The following FOXP2 variants were observed in gnomAD, a reference collection of about 807,000 sequenced individuals.
The protein encoded by FOXP2 is forkhead box P2, also known as forkhead box protein P2.
In FOXP2, 12 loss-of-function variants were observed where a neutral mutation model predicts 115.8. That is an observed-to-expected ratio of 0.10 (90% CI 0.07 to 0.17). FOXP2 has a LOEUF of 0.17. Among genes scored for constraint, FOXP2 ranks in the 10% least tolerant of loss-of-function variants. The probability of loss-of-function intolerance (pLI) is 1.00; values close to 1 mark genes in which losing one functional copy is unlikely to be tolerated. For synonymous variants in FOXP2, 328 were observed against 297.7 expected, an observed-to-expected ratio of 1.10 and a Z score of -1.05; for missense variants, 629 against 843.5, an observed-to-expected ratio of 0.75 and a Z score of 3.15.
intron 3 of FOXP2, among the ~76,000 whole-genome samples, chr7:114,544,668 A>T (rs1453158647): frequency 6.6e-6 from 1 of 152,252 alleles, no homozygotes; most frequent in Non-Finnish European, 1.5e-5. Context: ...CTGTTGTCTC[A>T]CAGAAAGACT....
intron 8 of FOXP2, chr7:114,645,323 T>A (rs1029278896): frequency 4.6e-5 from 7 of 151,422 alleles, no homozygotes; most frequent in Non-Finnish European, 1.0e-4. Flanking sequence ...CTACATTTCA[T>A]TTACATTGTT....
chr7:114,339,854 T>A (rs772839777), intron 2 of FOXP2, among the ~76,000 whole-genome samples: 54 of 151,188 alleles, frequency 3.6e-4, no homozygotes, highest in Non-Finnish European at 7.7e-4. Context: ...AAAGCTCATT[T>A]ATACAAAGGT....
At chr7:114,294,407 G>C (rs955516012) in intron 2 of FOXP2, among the ~76,000 whole-genome samples, 4 of 152,032 alleles carry the variant, frequency 2.6e-5, no homozygotes, top group African/African-American at 9.7e-5. Flanking sequence ...AGAGTCACAC[G>C]GAAGTATCTA....
chr7:114,448,982 A>G (rs866005805), intron 2 of FOXP2, among the ~76,000 whole-genome samples: 2 of 152,080 alleles, frequency 1.3e-5, no homozygotes, highest in African/African-American at 2.4e-5. Context: ...TTTAGCCATT[A>G]TCTGCAAGCA....
intron 3 of FOXP2, among the ~76,000 whole-genome samples, chr7:114,540,356 G>A (rs757387721): frequency 7.9e-5 from 12 of 151,832 alleles, no homozygotes; most frequent in Non-Finnish European, 1.6e-4. Flanking sequence ...CTAGTGCCTA[G>A]CACAGTGCTT....
chr7:114,550,979 A>C (rs778065329), intron 3 of FOXP2, among the ~76,000 whole-genome samples: 3 of 145,970 alleles, frequency 2.1e-5, no homozygotes, highest in Non-Finnish European at 4.5e-5. Flanking sequence ...GTGGCTAATA[A>C]ATCTTTTTTT....
chr7:114,689,586 C>G (rs1240416754), intron 16 of FOXP2, among the ~76,000 whole-genome samples, 196 bp from the exon 17 acceptor site: 1 of 152,176 alleles, frequency 6.6e-6, no homozygotes, highest in Non-Finnish European at 1.5e-5. Flanking sequence ...TCACATTACT[C>G]TGAATCCCTG....
intron 2 of FOXP2, among the ~76,000 whole-genome samples, chr7:114,352,182 A>G (rs139744626): frequency 0.013 from 1,979 of 152,124 alleles, 82 homozygotes; most frequent in Admixed American, 0.078. Flanking sequence ...TGGGTGGATC[A>G]CCTGAGCCTG....
intron 2 of FOXP2, among the ~76,000 whole-genome samples, chr7:114,332,951 T>C (rs1306342872): frequency 6.6e-6 from 1 of 152,124 alleles, no homozygotes; most frequent in Non-Finnish European, 1.5e-5. Flanking sequence ...AAGATCAGGA[T>C]CAGTGCAGGT....
chr7:114,630,145 T>A, intron 5 of FOXP2, 140 bp downstream of exon 5: 1 of 1,440,440 alleles, frequency 6.9e-7, no homozygotes, highest in Non-Finnish European at 9.6e-7. Flanking sequence ...CTGAGCTTAG[T>A]AACAGTGATA....
intron 1 of FOXP2, among the ~76,000 whole-genome samples, chr7:114,180,614 G>T (rs1562994496): frequency 6.6e-6 from 1 of 151,902 alleles, no homozygotes. Context: ...ATCAAACTAT[G>T]CTTCTCTTAT....
chr7:114,100,778 T>A (rs1193106891), intron 1 of FOXP2, among the ~76,000 whole-genome samples: 1 of 152,208 alleles, frequency 6.6e-6, no homozygotes, highest in Non-Finnish European at 1.5e-5. Context: ...GATATGTATT[T>A]GAAATTTTAA....
intron 2 of FOXP2, among the ~76,000 whole-genome samples, chr7:114,447,794 T>C (rs1230121789): frequency 6.6e-6 from 1 of 152,216 alleles, no homozygotes; most frequent in Admixed American, 6.5e-5. Context: ...AACATGCAAT[T>C]ATTTGTTTCA....
chr7:114,640,296 A>C (rs561549535), intron 6 of FOXP2, among the ~76,000 whole-genome samples: 1 of 152,294 alleles, frequency 6.6e-6, no homozygotes, highest in African/African-American at 2.4e-5. Context: ...TTCTTTATAA[A>C]GCCACTTTCT....
chr7:114,164,643 A>C (rs930308288), intron 1 of FOXP2, among the ~76,000 whole-genome samples: 3 of 152,164 alleles, frequency 2.0e-5, no homozygotes, highest in Admixed American at 1.3e-4. Flanking sequence ...CCCGGCCCAA[A>C]ACATTTTTTA....
At chr7:114,641,590 T>C (rs61058474) in intron 6 of FOXP2, among the ~76,000 whole-genome samples, 17,419 of 152,010 alleles carry the variant, frequency 0.11, 1,091 homozygotes, top group Middle Eastern at 0.18. Flanking sequence ...TCAAATCTCC[T>C]ATTTTTTTGA....
chr7:114,359,745 T>G (rs1791701590), intron 2 of FOXP2, among the ~76,000 whole-genome samples: 1 of 152,226 alleles, frequency 6.6e-6, no homozygotes, highest in South Asian at 2.1e-4. Flanking sequence ...TTTGACCAAT[T>G]TCTCCCATAT....
At chr7:114,121,112 A>T (rs1791551493) in intron 1 of FOXP2, among the ~76,000 whole-genome samples, 1 of 152,138 alleles carries the variant, frequency 6.6e-6, no homozygotes, top group Admixed American at 6.6e-5. Context: ...TTGAAATATT[A>T]ACCCCCAGTG....
chr7:114,235,882 A>T (rs187601266), intron 1 of FOXP2, among the ~76,000 whole-genome samples: 1 of 152,298 alleles, frequency 6.6e-6, no homozygotes, highest in East Asian at 1.9e-4. Flanking sequence ...AACTTATACA[A>T]CTCATTCTCT....
Sources: gnomAD v4.1 joint callset for allele counts (sites outside exome capture counted in the v4.1 genomes callset) on GRCh38, gnomAD v4.1.1 for gene constraint, MANE v1.5 for transcripts, NCBI Gene and HGNC (gene_info 2026-07-23, HGNC 2026-07-21) for gene names.